The following MAML2 variants were observed in gnomAD, a reference collection of about 807,000 sequenced individuals.
MAML2 encodes mastermind-like protein 2.
A neutral mutation model predicts 96.1 loss-of-function variants in MAML2; 22 were observed. The ratio of observed to expected loss-of-function variants is 0.23; its 90% CI spans 0.16 to 0.33. The LOEUF (loss-of-function observed/expected upper bound fraction) is 0.33. Ranked by LOEUF, MAML2 falls within the 10% of genes least tolerant of loss-of-function variation. The pLI is 1.00. For synonymous variants in MAML2, 561 were observed against 521.3 expected (o/e 1.08, Z -1.04); for missense variants, 1,367 against 1,392.4 (o/e 0.98, Z 0.29).
At chr11:95,985,045 T>C (rs191586486) in intron 4 of MAML2, among the ~76,000 whole-genome samples, 1 of 152,340 alleles carries the variant, frequency 6.6e-6, no homozygotes, top group East Asian at 1.9e-4. Context: ...TCACCTTTGG[T>C]GTTTTTGAGA....
At chr11:96,212,657 C>T (rs979442453) in intron 1 of MAML2, among the ~76,000 whole-genome samples, 1 of 152,074 alleles carries the variant, frequency 6.6e-6, no homozygotes, top group African/African-American at 2.4e-5. Context: ...AGTAGAAGTG[C>T]TAGCAGAAAG....
chr11:96,146,177 A>G (rs941871734), intron 1 of MAML2, among the ~76,000 whole-genome samples: 1 of 152,212 alleles, frequency 6.6e-6, no homozygotes, highest in Admixed American at 6.5e-5. Context: ...CTTACATAAG[A>G]GCACCCTCAG....
At chr11:95,999,873 C>T (rs1264638951) in intron 2 of MAML2, among the ~76,000 whole-genome samples, 2 of 152,172 alleles carry the variant, frequency 1.3e-5, no homozygotes, top group African/African-American at 4.8e-5. Context: ...GCTATTCAAT[C>T]TTTCTTCTCC....
chr11:96,146,910 A>G (rs987291834), intron 1 of MAML2, among the ~76,000 whole-genome samples: 10 of 152,244 alleles, frequency 6.6e-5, no homozygotes, highest in Admixed American at 1.3e-4. Flanking sequence ...AAATGGTGCC[A>G]GACCAACCTG....
intron 1 of MAML2, among the ~76,000 whole-genome samples, chr11:96,298,477 A>G (rs1863332729): frequency 6.6e-6 from 1 of 152,124 alleles, no homozygotes; most frequent in African/African-American, 2.4e-5. Flanking sequence ...ACATAGGTGT[A>G]GGTATTCTCT....
chr11:96,313,272 G>A (rs939675029), intron 1 of MAML2, among the ~76,000 whole-genome samples: 8 of 152,140 alleles, frequency 5.3e-5, no homozygotes, highest in African/African-American at 1.9e-4. Flanking sequence ...CAAATCCCGA[G>A]GCATCGGCAT....
intron 2 of MAML2, among the ~76,000 whole-genome samples, chr11:96,033,125 G>A (rs1858646066): frequency 1.3e-5 from 2 of 152,140 alleles, no homozygotes; most frequent in Admixed American, 1.3e-4. Context: ...TGCTATTTAA[G>A]CACTTTTTAC....
At chr11:96,154,244 A>G (rs906849882) in intron 1 of MAML2, among the ~76,000 whole-genome samples, 1 of 152,176 alleles carries the variant, frequency 6.6e-6, no homozygotes, top group African/African-American at 2.4e-5. Context: ...GAGAATTTGC[A>G]TTTCTAACAA....
intron 1 of MAML2, among the ~76,000 whole-genome samples, chr11:96,119,336 A>G (rs1231316317): frequency 6.6e-6 from 1 of 152,178 alleles, no homozygotes; most frequent in Non-Finnish European, 1.5e-5. Flanking sequence ...AGGAGAGCCA[A>G]TGAGATTTGA....
intron 1 of MAML2, among the ~76,000 whole-genome samples, chr11:96,263,737 G>C (rs991317963): frequency 4.6e-5 from 7 of 152,204 alleles, no homozygotes; most frequent in Non-Finnish European, 8.8e-5. Context: ...CAGGTATGGA[G>C]GGGGGCTGGT....
rs1395285375 is a variant in MAML2 at position 96,150,022 on chromosome 11, C to T, written c.514-56505G>A. ...CTAATTTGTACTCCAAAACTTCTAACTACTTGTTGGATATCTTCGCCTGAA... is the reference window on the plus strand; with the variant it reads ...CTAATTTGTACTCCAAAACTTCTAATTACTTGTTGGATATCTTCGCCTGAA... On this transcript the variant is annotated intron_variant, in intron 1 of 4. Transcript: ENST00000524717. 3.3e-5 allele frequency among the ~76,000 whole-genome samples: 5 copies of T among 152,238 alleles called. No individual in the cohort carries two copies. In the East Asian group the frequency reaches 5.8e-4, roughly 18 times the overall value.
intron 1 of MAML2, among the ~76,000 whole-genome samples, chr11:96,142,308 A>G (rs1333688543): frequency 6.6e-6 from 1 of 152,144 alleles, no homozygotes; most frequent in African/African-American, 2.4e-5. Flanking sequence ...TATTTGGGAG[A>G]AATCTGAAGG....
At chr11:96,067,186 C>G (rs1005786809) in intron 2 of MAML2, among the ~76,000 whole-genome samples, 2 of 152,218 alleles carry the variant, frequency 1.3e-5, no homozygotes, top group African/African-American at 4.8e-5. Context: ...AACCAAAACA[C>G]TAGCCTTGCC....
chr11:96,078,924 T>C (rs917176160), intron 2 of MAML2, among the ~76,000 whole-genome samples: 10 of 152,258 alleles, frequency 6.6e-5, no homozygotes, highest in African/African-American at 2.4e-4. Context: ...GGTGTGGAGC[T>C]TGGAGTAGTC....
intron 1 of MAML2, among the ~76,000 whole-genome samples, chr11:96,331,692 C>T (rs2136017992): frequency 6.6e-6 from 1 of 151,606 alleles, no homozygotes; most frequent in East Asian, 1.9e-4. Context: ...GTGGTGGGCG[C>T]CTGTAATCTC....
At chr11:96,135,969 A>G (rs1255353639) in intron 1 of MAML2, among the ~76,000 whole-genome samples, 1 of 152,184 alleles carries the variant, frequency 6.6e-6, no homozygotes, top group Non-Finnish European at 1.5e-5. Context: ...AAATGAATTA[A>G]TTTTGAACTA....
chr11:96,324,643 A>G (rs1183413994), intron 1 of MAML2, among the ~76,000 whole-genome samples: 2 of 152,152 alleles, frequency 1.3e-5, no homozygotes, highest in Non-Finnish European at 2.9e-5. Flanking sequence ...GAGTCCCCAC[A>G]TTTTCTCCAG....
At chr11:96,270,931 C>T (rs919935394) in intron 1 of MAML2, among the ~76,000 whole-genome samples, 2 of 152,172 alleles carry the variant, frequency 1.3e-5, no homozygotes, top group African/African-American at 4.8e-5. Context: ...GCCAGTGTGG[C>T]TAGAGTAAAG....
chr11:96,241,013 A>G (rs958629736), intron 1 of MAML2, among the ~76,000 whole-genome samples: 1 of 152,228 alleles, frequency 6.6e-6, no homozygotes, highest in African/African-American at 2.4e-5. Context: ...AGGTTGAACT[A>G]TTTCTTCTGC....
Sources: allele counts gnomAD v4.1 joint callset (sites outside exome capture counted in the v4.1 genomes callset), GRCh38; gene constraint gnomAD v4.1.1; transcripts MANE v1.5; gene names NCBI Gene and HGNC (gene_info 2026-07-23, HGNC 2026-07-21).